Variants in PPM1E observed in about 807,000 individuals in gnomAD.
PPM1E encodes protein phosphatase, Mg2+/Mn2+ dependent 1E.
PPM1E carries 20 observed loss-of-function variants against 65.9 expected under a neutral mutation model. That is an observed-to-expected ratio of 0.30 (90% CI 0.21 to 0.44). The LOEUF (loss-of-function observed/expected upper bound fraction) is 0.44. Ranked by LOEUF, PPM1E falls within the 20% of genes least tolerant of loss-of-function variation. The pLI is 1.00. For synonymous variants in PPM1E, 352 were observed against 374.9 expected (o/e 0.94, Z 0.70); for missense variants, 713 against 953.1 (o/e 0.75, Z 3.32).
chr17:58,881,248 G>C (rs1031205519), intron 1 of PPM1E, among the ~76,000 whole-genome samples: 1 of 152,168 alleles, frequency 6.6e-6, no homozygotes, highest in African/African-American at 2.4e-5. Context: ...AATACAGAAG[G>C]CTGGGCGCAG....
chr17:58,870,345 G>C (rs1002235728), intron 1 of PPM1E, among the ~76,000 whole-genome samples: 1 of 152,144 alleles, frequency 6.6e-6, no homozygotes, highest in Non-Finnish European at 1.5e-5. Context: ...TTTAGAGCCA[G>C]CTTTTATTTT....
chr17:58,756,033 G>A lies in PPM1E; in HGVS notation c.36G>A (p.Arg12=), dbSNP rs1352021685. The A allele has an allele frequency of 1.2e-6, 2 of 1,613,932 alleles. No individual in the cohort carries two copies. Among genetic ancestry groups the A allele is most frequent in the Non-Finnish European group, 1.7e-6 (2 of 1,179,948 alleles). ...GCATCCCTGAGGAGAAAACTTACCGGCGCTTCCTGGAGCTATTCCTGGGCG... is the reference window on the plus strand; with the variant it reads ...GCATCCCTGAGGAGAAAACTTACCGACGCTTCCTGGAGCTATTCCTGGGCG... The part of the protein sequence containing the change: ...AGCIPEEKTY[R]RFLELFLGEF... The change falls in exon 1 of 7, where the codon CGG becomes CGA. Residue 12 remains arginine (R), a synonymous_variant. Transcript: ENST00000308249.
intron 1 of PPM1E, among the ~76,000 whole-genome samples, chr17:58,864,116 G>C (rs1170576657): frequency 6.6e-6 from 1 of 150,942 alleles, no homozygotes; most frequent in Admixed American, 6.6e-5. Flanking sequence ...AGGAGTTCAA[G>C]ACCAGTCTGG....
At chr17:58,910,914 T>A (rs2051620178) in intron 1 of PPM1E, among the ~76,000 whole-genome samples, 1 of 152,164 alleles carries the variant, frequency 6.6e-6, no homozygotes, top group Non-Finnish European at 1.5e-5. Flanking sequence ...ACATGGTTCC[T>A]TTTCCCCTCC....
At chr17:58,839,665 T>C (rs961260612) in intron 1 of PPM1E, among the ~76,000 whole-genome samples, 1 of 151,884 alleles carries the variant, frequency 6.6e-6, no homozygotes, top group Non-Finnish European at 1.5e-5. Flanking sequence ...ACTGTTGGAG[T>C]GGAAATTTTA....
At chr17:58,822,251 G>A (rs1008174731) in intron 1 of PPM1E, among the ~76,000 whole-genome samples, 4 of 152,084 alleles carry the variant, frequency 2.6e-5, no homozygotes, top group South Asian at 2.1e-4. Flanking sequence ...TATGCAACTA[G>A]GAGCAAGCAT....
chr17:58,772,756 A>G (rs922679827), intron 1 of PPM1E, among the ~76,000 whole-genome samples: 1 of 152,122 alleles, frequency 6.6e-6, no homozygotes, highest in African/African-American at 2.4e-5. Context: ...TCATTCATTC[A>G]TATATTCAGT....
chr17:58,789,429 T>A (rs1036338331), intron 1 of PPM1E, among the ~76,000 whole-genome samples: 1 of 152,176 alleles, frequency 6.6e-6, no homozygotes, highest in Admixed American at 6.6e-5. Context: ...AGTTCAGTCT[T>A]CATTACTCAT....
intron 1 of PPM1E, among the ~76,000 whole-genome samples, chr17:58,876,908 C>G (rs1262037383): frequency 2.6e-5 from 4 of 152,184 alleles, no homozygotes; most frequent in Admixed American, 2.6e-4. Flanking sequence ...CTCAGCCTCC[C>G]GAGTAGCTGG....
rs2050239601 is a variant in PPM1E, at chr17:58,799,556, C to G, written c.464+43095C>G. On this transcript the variant is annotated intron_variant, in intron 1 of 6. Transcript: ENST00000308249. ...CTCCTGGGCTCAAGCGATTCTTCTGCCTCAGCCTCCCAAGTAGCTGGGACT... is the reference window on the plus strand; with the variant it reads ...CTCCTGGGCTCAAGCGATTCTTCTGGCTCAGCCTCCCAAGTAGCTGGGACT... Among the ~76,000 whole-genome samples the G allele has an allele frequency of 1.3e-5, 2 of 152,178 alleles. 1 individual carries two copies. The highest frequency in any genetic ancestry group is 4.1e-4 in the South Asian group (2 of 4,828).
At chr17:58,855,323 C>T (rs2050870610) in intron 1 of PPM1E, among the ~76,000 whole-genome samples, 1 of 152,176 alleles carries the variant, frequency 6.6e-6, no homozygotes, top group South Asian at 2.1e-4. Context: ...CTCCAGCCCA[C>T]TCTATACATC....
intron 1 of PPM1E, among the ~76,000 whole-genome samples, chr17:58,781,570 T>C (rs1050054597): frequency 6.6e-6 from 1 of 152,168 alleles, no homozygotes; most frequent in African/African-American, 2.4e-5. Context: ...TATATTTGTA[T>C]GAGAAGTCTT....
intron 1 of PPM1E, among the ~76,000 whole-genome samples, chr17:58,806,602 G>C (rs2050316587): frequency 6.6e-6 from 1 of 151,820 alleles, no homozygotes; most frequent in Admixed American, 6.6e-5. Context: ...TTGTAATATA[G>C]ACTTGACTTG....
intron 1 of PPM1E, among the ~76,000 whole-genome samples, chr17:58,886,911 A>G (rs2051272349): frequency 6.6e-6 from 1 of 152,162 alleles, no homozygotes. Flanking sequence ...GGCAAAGAGC[A>G]TATGGGAACT....
chr17:58,830,470 G>C (rs2050591886), intron 1 of PPM1E, among the ~76,000 whole-genome samples: 1 of 151,714 alleles, frequency 6.6e-6, no homozygotes, highest in African/African-American at 2.4e-5. Context: ...ACCATGCCCG[G>C]CTGATTTTTG....
Position 58,980,319 on chromosome 17 carries a change from A to C in PPM1E, c.1556A>C (p.Lys519Thr), listed in dbSNP as rs746918842. ...GGGCAAGAAGATGGTGGGGATGATA[A>C]GGAGAATCATGGAGAGTGCAAACGC... ...QGGQEDGGDD[K>T]ENHGECKRPW... Residue 519 changes from lysine to threonine, a missense_variant, in exon 7 of 7, where the codon AAG becomes ACG. By Grantham distance (78) the Lys-to-Thr change is moderately conservative (BLOSUM62 -1). Around this residue, in one of 6 missense-constraint regions of PPM1E, gnomAD observed 286 missense variants for 313.8 expected, o/e 0.91. Transcript: ENST00000308249. The surrounding 1 kb of genome is among the most constrained non-coding windows in gnomAD (Gnocchi z 4.7). 6.8e-6 allele frequency: 11 copies of C among 1,614,156 alleles called. No individual in the cohort carries two copies. Among genetic ancestry groups the C allele is most frequent in the Non-Finnish European group, 7.6e-6 (9 of 1,180,028 alleles).
chr17:58,943,604 A>G (rs1379306294), intron 1 of PPM1E, among the ~76,000 whole-genome samples: 1 of 152,054 alleles, frequency 6.6e-6, no homozygotes, highest in Non-Finnish European at 1.5e-5. Flanking sequence ...TTGTGATTTA[A>G]CCTAGTGGCT....
In PPM1E at chr17:58,756,065, G is replaced by A. The variant is rs1448585574; in HGVS notation, c.68G>A (p.Arg23His). The change falls in exon 1 of 7, where the codon CGC becomes CAC. Residue 23 changes from arginine (R) to histidine (H), a missense_variant. Physicochemically the swap from Arg to His is conservative, Grantham distance 29 (BLOSUM62 0). Coordinates refer to ENST00000308249, the MANE Select transcript of PPM1E (RefSeq NM_014906.5). ...CTGGAGCTATTCCTGGGCGAGTTTC[G>A]CGGACCGTGCGGCGGCGGCGAGCCG... ...RFLELFLGEF[R>H]GPCGGGEPEP... 6.2e-7 allele frequency: 1 copy of A among 1,613,602 alleles called. No individual in the cohort carries two copies. Among genetic ancestry groups the A allele is most frequent in the Non-Finnish European group, 8.5e-7 (1 of 1,179,838 alleles).
chr17:58,843,928 A>C (rs533592064), intron 1 of PPM1E, among the ~76,000 whole-genome samples: 2 of 152,342 alleles, frequency 1.3e-5, no homozygotes, highest in Non-Finnish European at 2.9e-5. Flanking sequence ...CTAAGCATAC[A>C]ATGTAAACAA....
Sources: allele counts gnomAD v4.1 joint callset (sites outside exome capture counted in the v4.1 genomes callset), GRCh38; gene constraint gnomAD v4.1.1; regional missense constraint gnomAD v4.1.1; non-coding constraint Gnocchi (gnomAD v3.1); transcripts MANE v1.5; gene names NCBI Gene and HGNC (gene_info 2026-07-23, HGNC 2026-07-21).